Variants in NRG1 observed in about 807,000 individuals in gnomAD.
The protein encoded by NRG1 is pro-neuregulin-1, membrane-bound isoform.
Under a neutral mutation model 63.8 loss-of-function variants are expected in NRG1, and 18 were observed. The observed-to-expected ratio is 0.28, with a 90% confidence interval of 0.19 to 0.42. The LOEUF is 0.42. Among genes scored for constraint, NRG1 ranks in the 10% least tolerant of loss-of-function variants. The probability of loss-of-function intolerance (pLI) is 1.00; values close to 1 mark genes in which losing one functional copy is unlikely to be tolerated. For synonymous variants in NRG1, 302 were observed against 301.3 expected, an observed-to-expected ratio of 1.00 and a Z score of -0.02; for missense variants, 762 against 814.7, an observed-to-expected ratio of 0.94 and a Z score of 0.79.
At chr8:32,455,757 T>G (rs1821516951) in intron 1 of NRG1, among the ~76,000 whole-genome samples, 2 of 152,172 alleles carry the variant, frequency 1.3e-5, no homozygotes, top group African/African-American at 4.8e-5. Flanking sequence ...TTAAACCTCT[T>G]GAAAGATCAC....
At chr8:31,742,863 C>T (rs1221297240) in intron 1 of NRG1, among the ~76,000 whole-genome samples, 1 of 151,944 alleles carries the variant, frequency 6.6e-6, no homozygotes, top group Non-Finnish European at 1.5e-5. Flanking sequence ...GCATTTTCCT[C>T]CATATGCTGT....
At chr8:32,473,860 T>C (rs1824148915) in intron 1 of NRG1, among the ~76,000 whole-genome samples, 1 of 152,028 alleles carries the variant, frequency 6.6e-6, no homozygotes, top group Non-Finnish European at 1.5e-5. Context: ...CATTTTTAAA[T>C]TTTTTTCTAG....
At position 32,659,146 on chromosome 8, in the gene NRG1, C is replaced by CTTTTT. The variant is rs11408766; in HGVS notation, c.502+42273_502+42277dup. On this transcript the variant is annotated intron_variant, in intron 5 of 11. Transcript: ENST00000356819. ...AGTAATAAATCTTTTCTTTTCTTTTCTTTTTTTTTTTTTTTTGAGACAGAG... is the reference window on the plus strand; with the variant it reads ...AGTAATAAATCTTTTCTTTTCTTTTCTTTTTTTTTTTTTTTTTTTTTGAGACAGAG... Among the ~76,000 whole-genome samples, 24 of 136,006 alleles carry CTTTTT rather than the reference C, an allele frequency of 1.8e-4. 1 individual carries two copies. The highest frequency in any genetic ancestry group is 4.7e-4 in the South Asian group (2 of 4,272). The allele number at this position is 136,006 out of a possible 152,430, so 89.2% of individuals were successfully genotyped here. A position where few individuals can be genotyped will look rare whatever the true frequency, so the allele number is the denominator to read the frequency against.
chr8:31,966,244 A>ACT (rs3052863), intron 1 of NRG1, among the ~76,000 whole-genome samples: 128,767 of 151,790 alleles, frequency 0.85, 55,496 homozygotes, highest in African/African-American at 0.96. Flanking sequence ...TGTTTCTGCA[A>ACT]CACCTATATC....
chr8:32,345,029 A>T (rs1337323806), intron 1 of NRG1, among the ~76,000 whole-genome samples: 1 of 152,144 alleles, frequency 6.6e-6, no homozygotes, highest in African/African-American at 2.4e-5. Flanking sequence ...TATGCGTTTC[A>T]TTGACCAGAC....
At chr8:32,092,144 A>T (rs1403332647) in intron 1 of NRG1, among the ~76,000 whole-genome samples, 1 of 152,158 alleles carries the variant, frequency 6.6e-6, no homozygotes, top group East Asian at 1.9e-4. Context: ...TTGACATCCC[A>T]ACACATATTT....
chr8:32,446,382 C>T (rs533996825), intron 1 of NRG1, among the ~76,000 whole-genome samples: 11 of 152,210 alleles, frequency 7.2e-5, no homozygotes, highest in South Asian at 2.1e-4. Flanking sequence ...TGACTAGGCA[C>T]GATGGCTCAT....
chr8:32,562,209 C>T (rs1025814272), intron 1 of NRG1, among the ~76,000 whole-genome samples: 1 of 151,906 alleles, frequency 6.6e-6, no homozygotes, highest in Non-Finnish European at 1.5e-5. Flanking sequence ...GGGGGCCCAT[C>T]CAAAAAGCTG....
At chr8:31,818,637 T>C (rs1461310906) in intron 1 of NRG1, among the ~76,000 whole-genome samples, 1 of 152,178 alleles carries the variant, frequency 6.6e-6, no homozygotes, top group African/African-American at 2.4e-5. Flanking sequence ...TTTAACAGGC[T>C]GCGGAGCTCA....
At chr8:32,290,161 A>G (rs1368542593) in intron 1 of NRG1, among the ~76,000 whole-genome samples, 2 of 152,138 alleles carry the variant, frequency 1.3e-5, no homozygotes, top group Admixed American at 1.3e-4. Flanking sequence ...GGATACCTTG[A>G]GCCCAGGAGT....
At chr8:32,484,220 A>G (rs1825650996) in intron 1 of NRG1, among the ~76,000 whole-genome samples, 1 of 152,212 alleles carries the variant, frequency 6.6e-6, no homozygotes, top group Non-Finnish European at 1.5e-5. Context: ...CAGTGGAAAT[A>G]AGAGGGAAAG....
intron 1 of NRG1, among the ~76,000 whole-genome samples, chr8:31,684,509 A>G (rs928584512): frequency 6.6e-6 from 1 of 152,210 alleles, no homozygotes. Flanking sequence ...TGTTGTTATT[A>G]TTACAAAGTG....
chr8:31,959,175 G>A lies in NRG1; in HGVS notation c.37+319744G>A, dbSNP rs148010656. 3.8e-3 allele frequency among the ~76,000 whole-genome samples: 580 copies of A among 152,200 alleles called. 5 individuals carry two copies. Among genetic ancestry groups the A allele is most frequent in the African/African-American group, 0.011 (457 of 41,516 alleles). On this transcript the variant is annotated intron_variant, in intron 1 of 10. Coordinates refer to the NRG1 transcript ENST00000519301. ...CCTTTTACTACTCTAACAATTTCTC[G>A]TTTGTATTTTCTGCTCCTGAGCTCT...
chr8:32,563,859 A>G (rs190235312), intron 1 of NRG1, among the ~76,000 whole-genome samples: 66 of 152,320 alleles, frequency 4.3e-4, no homozygotes, highest in Middle Eastern at 3.4e-3. Context: ...TCGTAACATT[A>G]AGTTGATTTA....
At chr8:32,324,644 C>T (rs1459410851) in intron 1 of NRG1, among the ~76,000 whole-genome samples, 1 of 152,148 alleles carries the variant, frequency 6.6e-6, no homozygotes, top group Admixed American at 6.5e-5. Context: ...ATATGATTCA[C>T]TCTGAGGATT....
intron 1 of NRG1, among the ~76,000 whole-genome samples, chr8:32,588,267 A>G (rs1364235993): frequency 6.6e-6 from 1 of 152,106 alleles, no homozygotes; most frequent in Admixed American, 6.6e-5. Flanking sequence ...TGGTTTTCAG[A>G]TGGAGAATCT....
intron 1 of NRG1, among the ~76,000 whole-genome samples, chr8:32,362,122 A>T (rs1195885497): frequency 6.6e-6 from 1 of 152,180 alleles, no homozygotes; most frequent in African/African-American, 2.4e-5. Flanking sequence ...TTAATTTATT[A>T]TGACCTACAA....
rs1398923294 is a variant in NRG1 at position 32,346,891 on chromosome 8, G to A, written c.38-248937G>A. On this transcript the variant is annotated intron_variant, in intron 1 of 10. Coordinates refer to the NRG1 transcript ENST00000519301. The stretch of plus-strand genomic sequence containing the variant: ...GTTGCCCAGGCTGGAGTGCAGTGGC[G>A]TGATCTCAGCTCACTGCAAGCTCCA... Among the ~76,000 whole-genome samples the A allele has an allele frequency of 8.6e-5, 13 of 151,188 alleles. No individual in the cohort carries two copies. The East Asian group carries it at 2.0e-3, about 23-fold the overall frequency.
intron 1 of NRG1, among the ~76,000 whole-genome samples, chr8:32,380,726 C>T (rs552296926): frequency 1.3e-5 from 2 of 152,216 alleles, no homozygotes; most frequent in South Asian, 4.1e-4. Flanking sequence ...ATTGCCTCTA[C>T]CTGTGAAACA....
Sources: allele counts gnomAD v4.1 joint callset (sites outside exome capture counted in the v4.1 genomes callset), GRCh38; gene constraint gnomAD v4.1.1; transcripts MANE v1.5; gene names NCBI Gene and HGNC (gene_info 2026-07-23, HGNC 2026-07-21).